Variants in MYCBP2 observed in about 807,000 individuals in gnomAD.
The protein encoded by MYCBP2 is E3 ubiquitin-protein ligase MYCBP2.
MYCBP2 carries 120 observed loss-of-function variants against 525.3 expected under a neutral mutation model. The ratio of observed to expected loss-of-function variants is 0.23; its 90% CI spans 0.20 to 0.27. MYCBP2 has a LOEUF of 0.27. MYCBP2 is among the 10% of genes least tolerant of loss of function. The pLI is 1.00. For missense variants in MYCBP2, 4,149 were observed against 5,657.1 expected, an observed-to-expected ratio of 0.73 and a Z score of 8.55; for synonymous variants, 1,894 against 1,955.8, an observed-to-expected ratio of 0.97 and a Z score of 0.83.
At chr13:77,189,963 G>GA (rs1380860661) in intron 29 of MYCBP2, among the ~76,000 whole-genome samples, 2 of 152,050 alleles carry the variant, frequency 1.3e-5, no homozygotes, top group Admixed American at 1.3e-4. Context: ...AAATTAGTAA[G>GA]AAAATCAATG....
intron 68 of MYCBP2, chr13:77,076,075 A>C (rs1257628174): frequency 6.6e-6 from 1 of 152,230 alleles, no homozygotes; most frequent in Non-Finnish European, 1.5e-5. Context: ...GATGAAGTAC[A>C]AAAGTTTTAG....
intron 80 of MYCBP2, among the ~76,000 whole-genome samples, chr13:77,052,374 T>C (rs1238233612): frequency 2.0e-5 from 3 of 152,320 alleles, no homozygotes; most frequent in East Asian, 3.9e-4. Context: ...AATTGTTTAA[T>C]TATTTGTAGA....
In MYCBP2 at chr13:77,093,153, G is replaced by A. The variant is rs998743733; in HGVS notation, c.10367+12C>T. Reference sequence around the variant, plus strand: ...CACTAGCTATTCAACAGACAGGAGAGAACTAAAATACCTTGGTGGCATAGA... The same window carrying A: ...CACTAGCTATTCAACAGACAGGAGAAAACTAAAATACCTTGGTGGCATAGA... On this transcript the variant is annotated intron_variant, in intron 59 of 82. Coordinates refer to ENST00000544440, the MANE Select transcript of MYCBP2 (RefSeq NM_015057.5). 6.2e-7 allele frequency: 1 copy of A among 1,601,838 alleles called. No homozygotes were observed. Among genetic ancestry groups the A allele is most frequent in the Non-Finnish European group, 8.5e-7 (1 of 1,174,668 alleles).
chr13:77,152,509 C>A (rs1023751970), intron 46 of MYCBP2, among the ~76,000 whole-genome samples: 2 of 152,174 alleles, frequency 1.3e-5, no homozygotes, highest in Admixed American at 1.3e-4. Flanking sequence ...TCCTTGTATT[C>A]CGCCTAAATG....
chr13:77,220,408 T>C (rs753974026), intron 20 of MYCBP2, among the ~76,000 whole-genome samples: 1 of 152,092 alleles, frequency 6.6e-6, no homozygotes, highest in South Asian at 2.1e-4. Flanking sequence ...CAAGATCATA[T>C]AGCTACCAAG....
chr13:77,046,803 A>G (rs1370541447), intron 82 of MYCBP2, among the ~76,000 whole-genome samples: 1 of 152,236 alleles, frequency 6.6e-6, no homozygotes, highest in African/African-American at 2.4e-5. Context: ...ATGGGTCAGC[A>G]TGGGAGGATG....
At position 77,109,143 on chromosome 13, in the gene MYCBP2, C is replaced by T. The variant is rs113327890; in HGVS notation, c.8141-10130G>A. 2.9e-4 allele frequency among the ~76,000 whole-genome samples: 44 copies of T among 152,208 alleles called. 1 individual carries two copies. Among genetic ancestry groups the T allele is most frequent in the African/African-American group, 9.4e-4 (39 of 41,524 alleles). On this transcript the variant is annotated intron_variant, in intron 55 of 82. Coordinates refer to ENST00000544440, the MANE Select transcript of MYCBP2 (RefSeq NM_015057.5). The stretch of plus-strand genomic sequence containing the variant: ...TTATTCTTATGTGGCAGGTAGAGGA[C>T]GGTTTCCTTAGTTCTCTAACACAAT...
chr13:77,216,414 A>G lies in MYCBP2; in HGVS notation c.3057+1426T>C, dbSNP rs575699045. On this transcript the variant is annotated intron_variant, in intron 21 of 82. Coordinates refer to ENST00000544440, the MANE Select transcript of MYCBP2 (RefSeq NM_015057.5). ...ATGCTAAATCTAGGGGGAAATTTTG[A>G]TGAGAAGCAGGCATCTTAAAAGTGT... is the stretch of plus-strand genomic sequence containing the variant. Among the ~76,000 whole-genome samples the G allele has an allele frequency of 2.2e-4, 33 of 152,314 alleles. 1 individual carries two copies. Among genetic ancestry groups the G allele is most frequent in the Admixed American group, 1.7e-3 (26 of 15,302 alleles).
intron 28 of MYCBP2, 150 bp downstream of exon 28, chr13:77,191,529 T>A: frequency 4.6e-6 from 4 of 866,324 alleles, no homozygotes; most frequent in Non-Finnish European, 6.9e-6. Context: ...CAATTTGGCA[T>A]GAGGTTACAT....
Position 77,126,458 on chromosome 13 carries a change from G to C in MYCBP2, c.7744C>G (p.Pro2582Ala). 1 of 1,613,928 alleles carries C rather than the reference G, an allele frequency of 6.2e-7. No homozygotes were observed. Among genetic ancestry groups the C allele is most frequent in the Admixed American group, 1.7e-5 (1 of 59,998 alleles). Residue 2582 changes from proline to alanine, a missense_variant, in exon 53 of 83, where the codon CCA becomes GCA. By Grantham distance (27) the Pro-to-Ala change is conservative. This residue lies in a region of MYCBP2 where 692 missense variants were observed against 852.7 expected (regional missense o/e 0.81). Coordinates refer to ENST00000544440, the MANE Select transcript of MYCBP2 (RefSeq NM_015057.5). ...ATGCCTGGCCCTCCTCGCAAGAATG[G>C]CATATCTTGTTCTTGCATTGTTGCT... ...QEATMQEQDM[P>A]FLRGGPGMYK...
intron 27 of MYCBP2, among the ~76,000 whole-genome samples, chr13:77,192,374 A>G (rs1449901985): frequency 6.6e-6 from 1 of 152,250 alleles, no homozygotes; most frequent in Non-Finnish European, 1.5e-5. Flanking sequence ...TAAGTCAGAT[A>G]GGTGTTTGGA....
At chr13:77,296,344 C>G (rs1193100794) in intron 2 of MYCBP2, among the ~76,000 whole-genome samples, 1 of 151,436 alleles carries the variant, frequency 6.6e-6, no homozygotes, top group African/African-American at 2.4e-5. Flanking sequence ...CACTTGAGCC[C>G]AGGAAACTAC....
At chr13:77,164,838 C>T (rs958350518) in intron 42 of MYCBP2, among the ~76,000 whole-genome samples, 1 of 152,094 alleles carries the variant, frequency 6.6e-6, no homozygotes, top group African/African-American at 2.4e-5. Flanking sequence ...ATGATAGCCC[C>T]TTTTTGAAAA....
chr13:77,309,121 C>T (rs905060262), intron 1 of MYCBP2, among the ~76,000 whole-genome samples: 17 of 152,184 alleles, frequency 1.1e-4, no homozygotes, highest in African/African-American at 3.9e-4. Context: ...TACTGCCTTC[C>T]TTCTTGCCCT....
chr13:77,267,509 T>C (rs1385328454), intron 8 of MYCBP2, among the ~76,000 whole-genome samples: 2 of 152,050 alleles, frequency 1.3e-5, no homozygotes, highest in African/African-American at 4.8e-5. Flanking sequence ...TTCTTTATAC[T>C]GAGTCACATG....
intron 14 of MYCBP2, among the ~76,000 whole-genome samples, chr13:77,256,553 T>G (rs1224479443): frequency 6.6e-6 from 1 of 151,942 alleles, no homozygotes; most frequent in African/African-American, 2.4e-5. Flanking sequence ...CAAATCCAAT[T>G]AAAAAATGTG....
intron 52 of MYCBP2, among the ~76,000 whole-genome samples, chr13:77,128,865 C>T (rs1307732851): frequency 6.6e-6 from 1 of 151,994 alleles, no homozygotes; most frequent in Admixed American, 6.6e-5. Flanking sequence ...AAGGCCAGGA[C>T]ACTGTCACCT....
intron 73 of MYCBP2, among the ~76,000 whole-genome samples, chr13:77,063,938 C>T (rs1174112643): frequency 2.0e-5 from 3 of 152,158 alleles, no homozygotes; most frequent in Non-Finnish European, 4.4e-5. Flanking sequence ...TATAGTTTAT[C>T]TTCTTCAGAT....
intron 77 of MYCBP2, 27 bp downstream of exon 77, chr13:77,059,496 G>T: frequency 1.3e-6 from 2 of 1,509,782 alleles, no homozygotes; most frequent in African/African-American, 1.4e-5. Flanking sequence ...ATGGACAATG[G>T]GATGGCCTGT....
Sources: gnomAD v4.1 joint callset for allele counts (sites outside exome capture counted in the v4.1 genomes callset) on GRCh38, gnomAD v4.1.1 for gene constraint, gnomAD v4.1.1 regional missense constraint, MANE v1.5 for transcripts, NCBI Gene and HGNC (gene_info 2026-07-23, HGNC 2026-07-21) for gene names.